The following NRXN3 variants were observed in gnomAD, a reference collection of about 807,000 sequenced individuals.
NRXN3 encodes neurexin 3, also known as neurexin III.
Under a neutral mutation model 137.6 loss-of-function variants are expected in NRXN3, and 32 were observed. The ratio of observed to expected loss-of-function variants is 0.23; its 90% CI spans 0.18 to 0.31. The LOEUF is 0.31. Ranked by LOEUF, NRXN3 falls within the 10% of genes least tolerant of loss-of-function variation. NRXN3 has a pLI of 1.00. For synonymous variants in NRXN3, 798 were observed against 784.5 expected (o/e 1.02, Z -0.29); for missense variants, 1,574 against 2,062.5 (o/e 0.76, Z 4.59).
intron 6 of NRXN3, chr14:78,708,370 G>A (rs7141190): frequency 0.98 from 148,635 of 152,292 alleles, 72,611 homozygotes; most frequent in Non-Finnish European, 0.99. Context: ...TGACTGACTG[G>A]CTGAAATAGG....
At chr14:78,500,347 G>C (rs537570235) in intron 4 of NRXN3, among the ~76,000 whole-genome samples, 1 of 152,250 alleles carries the variant, frequency 6.6e-6, no homozygotes, top group East Asian at 1.9e-4. Context: ...TTGATTGTCA[G>C]TGGGCAGTAG....
At chr14:79,447,813 A>G (rs2096089258) in intron 15 of NRXN3, among the ~76,000 whole-genome samples, 2 of 152,138 alleles carry the variant, frequency 1.3e-5, no homozygotes, top group African/African-American at 2.4e-5. Context: ...GACGTCCTTT[A>G]TGTGTTTTGA....
chr14:79,391,458 T>G (rs772187716), intron 15 of NRXN3, among the ~76,000 whole-genome samples: 1 of 152,218 alleles, frequency 6.6e-6, no homozygotes. Flanking sequence ...TTCATTCTGC[T>G]TCACTCATGG....
chr14:78,940,052 A>G (rs1277317141), intron 10 of NRXN3, among the ~76,000 whole-genome samples: 1 of 152,216 alleles, frequency 6.6e-6, no homozygotes, highest in Admixed American at 6.5e-5. Flanking sequence ...CAAAGTTTTC[A>G]GTACAGCAGG....
At chr14:79,731,766 G>A (rs539586432) in intron 19 of NRXN3, among the ~76,000 whole-genome samples, 1 of 151,482 alleles carries the variant, frequency 6.6e-6, no homozygotes, top group South Asian at 2.1e-4. Context: ...TTACAGGCGT[G>A]AGCCACTGAG....
intron 10 of NRXN3, among the ~76,000 whole-genome samples, chr14:78,950,024 A>T (rs2099384095): frequency 6.6e-6 from 1 of 152,236 alleles, no homozygotes; most frequent in Non-Finnish European, 1.5e-5. Flanking sequence ...ATAAACAGTA[A>T]GATCACACGA....
intron 10 of NRXN3, among the ~76,000 whole-genome samples, chr14:78,847,442 A>G (rs2099030355): frequency 6.6e-6 from 1 of 152,054 alleles, no homozygotes; most frequent in Non-Finnish European, 1.5e-5. Context: ...ACTGTTCAAA[A>G]AGCACTTTGT....
At chr14:78,248,302 GCCCCC>G (rs1177541167) in intron 2 of NRXN3, among the ~76,000 whole-genome samples, 4 of 22,532 alleles carry the variant, frequency 1.8e-4, no homozygotes, top group Non-Finnish European at 3.5e-4. Flanking sequence ...ACCGCCCCCC[GCCCCC>G]CCCCCCCCCA....
At chr14:79,603,334 C>T (rs1197097822) in intron 16 of NRXN3, among the ~76,000 whole-genome samples, 2 of 152,334 alleles carry the variant, frequency 1.3e-5, no homozygotes, top group East Asian at 3.9e-4. Flanking sequence ...GCCTCATCTA[C>T]TTCATCGCCT....
intron 14 of NRXN3, among the ~76,000 whole-genome samples, chr14:78,976,397 C>G (rs1167294231): frequency 1.3e-5 from 2 of 152,094 alleles, no homozygotes; most frequent in Non-Finnish European, 2.9e-5. Flanking sequence ...TAAGTGCTGG[C>G]TATTTTGAGA....
At chr14:79,769,210 T>C (rs1250584929) in intron 19 of NRXN3, among the ~76,000 whole-genome samples, 3 of 148,884 alleles carry the variant, frequency 2.0e-5, no homozygotes, top group Non-Finnish European at 3.0e-5. Flanking sequence ...CAGGATATTA[T>C]CCAGGAGAAC....
At chr14:78,442,366 C>T (rs375226845) in intron 4 of NRXN3, among the ~76,000 whole-genome samples, 40 of 151,832 alleles carry the variant, frequency 2.6e-4, no homozygotes, top group South Asian at 1.0e-3. Flanking sequence ...GAGATGAGAA[C>T]GATGTGGCCA....
At chr14:79,751,984 T>C (rs1300014807) in intron 19 of NRXN3, among the ~76,000 whole-genome samples, 4 of 152,218 alleles carry the variant, frequency 2.6e-5, no homozygotes, top group Admixed American at 6.5e-5. Context: ...CAGTATTTTA[T>C]TGAGGATTTT....
chr14:79,735,678 G>T (rs767974481), intron 19 of NRXN3, among the ~76,000 whole-genome samples: 6 of 152,114 alleles, frequency 3.9e-5, no homozygotes, highest in Non-Finnish European at 8.8e-5. Flanking sequence ...AAGAGAACAG[G>T]GTTATAAAGC....
At chr14:78,271,433 G>C (rs1353365868) in intron 2 of NRXN3, among the ~76,000 whole-genome samples, 1 of 151,280 alleles carries the variant, frequency 6.6e-6, no homozygotes, top group Non-Finnish European at 1.5e-5. Context: ...TCAAACCCAG[G>C]CTACCTTACT....
At chr14:78,489,133 A>G (rs2095618625) in intron 4 of NRXN3, among the ~76,000 whole-genome samples, 1 of 152,176 alleles carries the variant, frequency 6.6e-6, no homozygotes. Context: ...TCCAACATTA[A>G]TGAGCACAAA....
At chr14:79,597,556 A>C (rs903258991) in intron 16 of NRXN3, among the ~76,000 whole-genome samples, 28 of 152,146 alleles carry the variant, frequency 1.8e-4, no homozygotes, top group African/African-American at 6.8e-4. Context: ...CCCTTTATAG[A>C]TATGTCTTAT....
intron 15 of NRXN3, among the ~76,000 whole-genome samples, chr14:79,169,974 G>A (rs1188771271): frequency 6.6e-6 from 1 of 152,080 alleles, no homozygotes; most frequent in Non-Finnish European, 1.5e-5. Context: ...AATGACCTAA[G>A]CTAGGGTAGG....
chr14:79,364,068 C>A (rs138003103), intron 15 of NRXN3, among the ~76,000 whole-genome samples: 4 of 152,252 alleles, frequency 2.6e-5, no homozygotes, highest in Non-Finnish European at 4.4e-5. Flanking sequence ...TGTGCTGTGG[C>A]CATATCTGTA....
Sources: gnomAD v4.1 joint callset for allele counts (sites outside exome capture counted in the v4.1 genomes callset) on GRCh38, gnomAD v4.1.1 for gene constraint, MANE v1.5 for transcripts, NCBI Gene and HGNC (gene_info 2026-07-23, HGNC 2026-07-21) for gene names.